Variants in CYTH3 observed in about 807,000 individuals in gnomAD.
CYTH3 encodes the protein cytohesin 3, also known as cytohesin-3.
Under a neutral mutation model 55.1 loss-of-function variants are expected in CYTH3, and 23 were observed. The observed-to-expected ratio is 0.42, with a 90% CI of 0.30 to 0.59. CYTH3 has a LOEUF of 0.59. Ranked by LOEUF, CYTH3 falls within the 20% of genes least tolerant of loss-of-function variation. The pLI is 0.20. For missense variants in CYTH3, 413 were observed against 524.8 expected (o/e 0.79, Z 2.08); for synonymous variants, 249 against 194.9 (o/e 1.28, Z -2.31).
chr7:6,234,340 C>T (rs1779463501), intron 1 of CYTH3, among the ~76,000 whole-genome samples: 1 of 152,188 alleles, frequency 6.6e-6, no homozygotes, highest in Non-Finnish European at 1.5e-5. Flanking sequence ...TGGGTTCTGA[C>T]CAAGGACTGC....
In CYTH3 at chr7:6,167,340, C is replaced by T. The variant is rs1009063271; in HGVS notation, c.824-1530G>A. ...GTGAGCAGTGAGAGGTGTTCTATGT[C>T]CCCGAGACCCTAGGGACAGGAGGAC... is the stretch of plus-strand genomic sequence containing the variant. On this transcript the variant is annotated intron_variant, in intron 9 of 12. Coordinates refer to ENST00000350796, the MANE Select transcript of CYTH3 (RefSeq NM_004227.4). This position sits in a 1 kb window ranked among gnomAD's most constrained non-coding sequence, Gnocchi z 5.5. 1.3e-5 allele frequency among the ~76,000 whole-genome samples: 2 copies of T among 152,202 alleles called. No individual in the cohort carries two copies. The highest frequency in any genetic ancestry group is 4.8e-5 in the African/African-American group (2 of 41,450).
At chr7:6,198,298 T>C (rs1037633626) in intron 1 of CYTH3, among the ~76,000 whole-genome samples, 2 of 152,234 alleles carry the variant, frequency 1.3e-5, no homozygotes, top group East Asian at 1.9e-4. Context: ...TCTAAGTACC[T>C]TGCTGTCCTA....
intron 1 of CYTH3, among the ~76,000 whole-genome samples, chr7:6,217,304 C>G (rs1057156442): frequency 1.3e-5 from 2 of 152,072 alleles, no homozygotes; most frequent in Non-Finnish European, 2.9e-5. Flanking sequence ...CATGACCCAC[C>G]TAGATGCTGT....
chr7:6,194,919 G>T (rs139433968), intron 1 of CYTH3, among the ~76,000 whole-genome samples: 2,838 of 152,164 alleles, frequency 0.019, 88 homozygotes, highest in African/African-American at 0.065. Context: ...AAGTTGCAGT[G>T]AGCCGAGATC....
At chr7:6,223,830 AAATACT>A (rs1779158500) in intron 1 of CYTH3, among the ~76,000 whole-genome samples, 1 of 144,614 alleles carries the variant, frequency 6.9e-6, no homozygotes, top group Non-Finnish European at 1.5e-5. Context: ...AATGATCAAT[AAATACT>A]AAAAAAAAAA....
chr7:6,242,983 A>G (rs1461981978), intron 1 of CYTH3, among the ~76,000 whole-genome samples: 2 of 152,136 alleles, frequency 1.3e-5, no homozygotes, highest in African/African-American at 2.4e-5. Flanking sequence ...ACAGCTTGCC[A>G]TGGGTGTCCT....
rs1782833432 is a variant in CYTH3, at chr7:6,161,972, A to G, written c.*2972T>C. The G allele has an allele frequency of 6.6e-6, 1 of 152,640 alleles. No homozygotes were observed. Among genetic ancestry groups the G allele is most frequent in the Admixed American group, 6.5e-5 (1 of 15,288 alleles). 9.5% of individuals were successfully genotyped at this position (152,640 alleles called of 1,614,324 possible). A position where few individuals can be genotyped will look rare whatever the true frequency, so the allele number is the denominator to read the frequency against. ...ATCAACAGATGTACATTATTTACATATTACTATATTTACCGCAAATAGAAA... is the reference window on the plus strand; with the variant it reads ...ATCAACAGATGTACATTATTTACATGTTACTATATTTACCGCAAATAGAAA... On this transcript the variant is annotated 3_prime_UTR_variant, in exon 13 of 13. Transcript: ENST00000350796.
chr7:6,239,304 T>C (rs1186488974), intron 1 of CYTH3, among the ~76,000 whole-genome samples: 1 of 152,134 alleles, frequency 6.6e-6, no homozygotes, highest in East Asian at 1.9e-4. Context: ...GACGCAGCCC[T>C]TCCTTCCTAG....
intron 1 of CYTH3, among the ~76,000 whole-genome samples, chr7:6,215,060 C>T (rs1784395568): frequency 6.6e-6 from 1 of 152,026 alleles, no homozygotes; most frequent in African/African-American, 2.4e-5. Context: ...GATAGGATGC[C>T]CTCTCTTCCT....
In CYTH3 at chr7:6,180,058, G is replaced by C. The variant is rs182717982; in HGVS notation, c.250-2117C>G. On this transcript the variant is annotated intron_variant, in intron 4 of 12. Transcript: ENST00000350796. ...GGCTTTGCTATTGGCTCTAAGTGAG[G>C]AAAACAAGTGAGGCCGGTGGAGAAG... is the stretch of plus-strand genomic sequence containing the variant. Among the ~76,000 whole-genome samples, 452 of 152,314 alleles carry C rather than the reference G, an allele frequency of 3.0e-3. 2 individuals are homozygous for C. Among genetic ancestry groups the C allele is most frequent in the African/African-American group, 0.011 (445 of 41,568 alleles).
In CYTH3 at chr7:6,170,493, G is replaced by A. The variant is rs746748197; in HGVS notation, c.823+42C>T. 1 of 1,579,660 alleles carries A rather than the reference G, an allele frequency of 6.3e-7. No individual in the cohort carries two copies. Among genetic ancestry groups the A allele is most frequent in the African/African-American group, 1.3e-5 (1 of 74,184 alleles). ...GGAACCCGAGGGGCTGCTGCCATGG[G>A]CAGAGGGGTCACGCCCGGGTCCCGC... On this transcript the variant is annotated intron_variant, in intron 9 of 12. Transcript: ENST00000350796. The surrounding 1 kb of genome is among the most constrained non-coding windows in gnomAD (Gnocchi z 7.8).
At chr7:6,242,898 C>T (rs1469405238) in intron 1 of CYTH3, among the ~76,000 whole-genome samples, 1 of 152,060 alleles carries the variant, frequency 6.6e-6, no homozygotes, top group African/African-American at 2.4e-5. Flanking sequence ...GGTCACCAAT[C>T]GTGAGGCTGC....
chr7:6,209,764 T>C (rs1784282522), intron 1 of CYTH3, among the ~76,000 whole-genome samples: 1 of 152,122 alleles, frequency 6.6e-6, no homozygotes, highest in Non-Finnish European at 1.5e-5. Flanking sequence ...GACAATGAAA[T>C]ATTATTCAGT....
chr7:6,167,482 G>A lies in CYTH3; in HGVS notation c.824-1672C>T, dbSNP rs1783045830. Among the ~76,000 whole-genome samples, 1 of 152,230 alleles carries A rather than the reference G, an allele frequency of 6.6e-6. No homozygotes were observed. Among genetic ancestry groups the A allele is most frequent in the African/African-American group, 2.4e-5 (1 of 41,462 alleles). On this transcript the variant is annotated intron_variant, in intron 9 of 12. Transcript: ENST00000350796. This position sits in a 1 kb window ranked among gnomAD's most constrained non-coding sequence, Gnocchi z 5.5. ...TCACGGTCGCCTCTGCTTCCCTCCA[G>A]AGACTCCAGAGCAGGCCCCGCTCCA...
At chr7:6,235,644 A>ATTC (rs902132535) in intron 1 of CYTH3, among the ~76,000 whole-genome samples, 47 of 152,304 alleles carry the variant, frequency 3.1e-4, no homozygotes, top group African/African-American at 1.1e-3. Flanking sequence ...GGGAGTCGTT[A>ATTC]GATACTACAC....
At chr7:6,175,835 C>A (rs1360298899) in intron 5 of CYTH3, among the ~76,000 whole-genome samples, 1 of 152,108 alleles carries the variant, frequency 6.6e-6, no homozygotes. Flanking sequence ...AGTGAGTCAC[C>A]GTGCCTGGCC....
intron 1 of CYTH3, among the ~76,000 whole-genome samples, chr7:6,247,263 A>G (rs984845354): frequency 6.6e-6 from 1 of 152,224 alleles, no homozygotes; most frequent in Non-Finnish European, 1.5e-5. Flanking sequence ...TTTTCTGGCA[A>G]TGTTATAGAA....
At chr7:6,195,969 G>A (rs1783914813) in intron 1 of CYTH3, among the ~76,000 whole-genome samples, 1 of 152,184 alleles carries the variant, frequency 6.6e-6, no homozygotes, top group Middle Eastern at 3.2e-3. Flanking sequence ...GGGTGGTCTG[G>A]TAGCTCAACG....
chr7:6,266,125 A>T (rs1449524441), intron 1 of CYTH3, among the ~76,000 whole-genome samples: 1 of 151,928 alleles, frequency 6.6e-6, no homozygotes, highest in Admixed American at 6.6e-5. Flanking sequence ...CGTAACTCTC[A>T]CCTGAACCAC....
Sources: allele counts gnomAD v4.1 joint callset (sites outside exome capture counted in the v4.1 genomes callset), GRCh38; gene constraint gnomAD v4.1.1; non-coding constraint Gnocchi (gnomAD v3.1); transcripts MANE v1.5; gene names NCBI Gene and HGNC (gene_info 2026-07-23, HGNC 2026-07-21).